Variants in CUBN observed in about 807,000 individuals in gnomAD.
CUBN encodes cubilin.
A neutral mutation model predicts 405.3 loss-of-function variants in CUBN; 282 were observed. The ratio of observed to expected loss-of-function variants is 0.70; its 90% CI spans 0.63 to 0.77. The LOEUF (loss-of-function observed/expected upper bound fraction) is 0.77, where lower values mean the gene tolerates loss of function less well. CUBN is among the 30% of genes least tolerant of loss of function. The pLI is 0.00. For synonymous variants in CUBN, 1,684 were observed against 1,617.0 expected (o/e 1.04, Z -0.99); for missense variants, 4,514 against 4,475.2 (o/e 1.01, Z -0.25).
chr10:17,094,226 T>C (rs1836325373), intron 14 of CUBN, among the ~76,000 whole-genome samples: 1 of 151,980 alleles, frequency 6.6e-6, no homozygotes, highest in Admixed American at 6.6e-5. Context: ...CTGAGGTTCC[T>C]CTCCCCAAAA....
At chr10:16,998,109 C>T (rs1397552640) in intron 28 of CUBN, among the ~76,000 whole-genome samples, 1 of 151,924 alleles carries the variant, frequency 6.6e-6, no homozygotes, top group East Asian at 1.9e-4. Context: ...AAGAAGAGGA[C>T]AAAACATCGT....
At chr10:16,829,865 A>G (rs1838923631) in intron 65 of CUBN, among the ~76,000 whole-genome samples, 1 of 150,666 alleles carries the variant, frequency 6.6e-6, no homozygotes, top group Admixed American at 6.6e-5. Context: ...TCTGTCGCCC[A>G]GGCTGGAGTG....
At chr10:16,856,050 A>G (rs544789819) in intron 59 of CUBN, among the ~76,000 whole-genome samples, 5 of 152,286 alleles carry the variant, frequency 3.3e-5, no homozygotes, top group South Asian at 4.1e-4. Flanking sequence ...CTGTGTTTCA[A>G]TGGTGGGGGA....
Position 16,984,290 on chromosome 10 carries a change from A to T in CUBN, c.4351-11T>A. 6.2e-7 allele frequency: 1 copy of T among 1,613,294 alleles called. No homozygotes were observed. ...GGGGCCTCCATAGATCTAACATGGG[A>T]TGTAGGAAAAAAGACTTTAAAAAAT... On this transcript the variant is annotated splice_polypyrimidine_tract_variant and intron_variant, in intron 29 of 66. Transcript: ENST00000377833.
chr10:16,950,040 C>T lies in CUBN; in HGVS notation c.5041G>A (p.Glu1681Lys). The T allele has an allele frequency of 1.9e-6, 3 of 1,614,024 alleles. No individual in the cohort carries two copies. The highest frequency in any genetic ancestry group is 1.1e-5 in the South Asian group (1 of 91,044). Residue 1681 changes from glutamate to lysine, a missense_variant, in exon 34 of 67, where the codon GAA (glutamate) becomes AAA (lysine). Physicochemically the swap from Glu to Lys is moderately conservative, Grantham distance 56. Around this residue, in one of 5 missense-constraint regions of CUBN, gnomAD observed 1,613 missense variants for 1,542.8 expected, o/e 1.05. Transcript: ENST00000377833. ...TCTTCGTGGCCGCCATCCAAAATTT[C>T]TACAAAGTCACGTGCACACGTTGTG... ...RSTTCARDFV[E>K]ILDGGHEDAP... is the part of the protein sequence containing the mutation.
At chr10:16,888,875 A>G (rs560124674) in intron 55 of CUBN, among the ~76,000 whole-genome samples, 1 of 152,344 alleles carries the variant, frequency 6.6e-6, no homozygotes, top group Admixed American at 6.5e-5. Context: ...GCAATGATAG[A>G]ATATGGTTCA....
At chr10:16,961,117 C>T (rs1843205308) in intron 31 of CUBN, among the ~76,000 whole-genome samples, 1 of 152,166 alleles carries the variant, frequency 6.6e-6, no homozygotes, top group African/African-American at 2.4e-5. Flanking sequence ...CCCTGTCACC[C>T]AGGCTGGCAT....
At chr10:17,099,170 T>C (rs1336487202) in intron 14 of CUBN, among the ~76,000 whole-genome samples, 1 of 152,022 alleles carries the variant, frequency 6.6e-6, no homozygotes. Flanking sequence ...AAAACACCAG[T>C]AAAAAAGATG....
intron 22 of CUBN, among the ~76,000 whole-genome samples, chr10:17,049,221 G>A (rs1835205991): frequency 6.6e-6 from 1 of 152,166 alleles, no homozygotes; most frequent in African/African-American, 2.4e-5. Flanking sequence ...TTCAGACCCA[G>A]TAATGAAACT....
intron 66 of CUBN, among the ~76,000 whole-genome samples, chr10:16,825,628 AGTGTGTGTGTGTGTGTGTGT>A (rs377156071): frequency 2.7e-4 from 37 of 136,010 alleles, no homozygotes; most frequent in Admixed American, 1.3e-3. Context: ...TCTGTGGAAC[AGTGTGTGTGTGTGTGTGTGT>A]GTGTGTGTGT....
At chr10:17,035,418 A>T (rs17139663) in intron 27 of CUBN, among the ~76,000 whole-genome samples, 2 of 152,228 alleles carry the variant, frequency 1.3e-5, no homozygotes, top group East Asian at 1.9e-4. Context: ...TTCAGAAGAG[A>T]GTGTGATGTC....
At chr10:17,023,090 A>C (rs1265697595) in intron 27 of CUBN, among the ~76,000 whole-genome samples, 1 of 150,890 alleles carries the variant, frequency 6.6e-6, no homozygotes, top group East Asian at 2.0e-4. Context: ...ACGTGACTTA[A>C]AGAGATTTCT....
chr10:17,085,323 C>A (rs945335885), intron 16 of CUBN, among the ~76,000 whole-genome samples: 1 of 152,166 alleles, frequency 6.6e-6, no homozygotes, highest in African/African-American at 2.4e-5. Flanking sequence ...CACGAGGGAC[C>A]TGGTGCCCTG....
intron 31 of CUBN, among the ~76,000 whole-genome samples, chr10:16,978,190 C>T (rs1588542982): frequency 6.6e-6 from 1 of 152,266 alleles, no homozygotes; most frequent in Non-Finnish European, 1.5e-5. Context: ...TAACAAAGCT[C>T]TGGACTCAAA....
intron 31 of CUBN, among the ~76,000 whole-genome samples, chr10:16,974,239 A>G (rs757743433): frequency 3.3e-5 from 5 of 152,212 alleles, no homozygotes; most frequent in Non-Finnish European, 5.9e-5. Flanking sequence ...CAGCTAGAAT[A>G]TCACAAAGTC....
At chr10:16,877,720 A>G (rs1840553388) in intron 56 of CUBN, among the ~76,000 whole-genome samples, 1 of 152,204 alleles carries the variant, frequency 6.6e-6, no homozygotes, top group African/African-American at 2.4e-5. Context: ...AATATATATT[A>G]TTGTTTTGTT....
intron 59 of CUBN, among the ~76,000 whole-genome samples, chr10:16,859,849 T>C (rs552040274): frequency 6.6e-6 from 1 of 152,334 alleles, no homozygotes; most frequent in East Asian, 1.9e-4. Flanking sequence ...AAATGTTTTG[T>C]GTACCTATTA....
chr10:16,964,101 A>C (rs186770529), intron 31 of CUBN, among the ~76,000 whole-genome samples: 59 of 152,322 alleles, frequency 3.9e-4, no homozygotes, highest in Non-Finnish European at 4.3e-4. Context: ...GACAGGGAGA[A>C]GTTTTTGTAT....
At chr10:17,053,295 A>G (rs901542585) in intron 22 of CUBN, among the ~76,000 whole-genome samples, 8 of 152,016 alleles carry the variant, frequency 5.3e-5, no homozygotes, top group African/African-American at 1.9e-4. Flanking sequence ...GGACCCAATT[A>G]TATGTTTTTT....
Sources: gnomAD v4.1 joint callset for allele counts (sites outside exome capture counted in the v4.1 genomes callset) on GRCh38, gnomAD v4.1.1 for gene constraint, gnomAD v4.1.1 regional missense constraint, MANE v1.5 for transcripts, NCBI Gene and HGNC (gene_info 2026-07-23, HGNC 2026-07-21) for gene names.